OR52N2: variants seen among roughly 807,000 people sequenced by gnomAD.
The protein encoded by OR52N2 is olfactory receptor family 52 subfamily N member 2, also known as olfactory receptor 52N2.
For missense variants in OR52N2, 326 were observed against 196.6 expected (o/e 1.66, Z -3.94); for synonymous variants, 129 against 72.0 (o/e 1.79, Z -4.01).
At chr11:5,810,755 C>A (rs1015925262) in intron 1 of OR52N2, among the ~76,000 whole-genome samples, 17 of 151,882 alleles carry the variant, frequency 1.1e-4, no homozygotes, top group African/African-American at 4.1e-4. Context: ...CCAGTTCTAT[C>A]TGAGTTTATA....
intron 1 of OR52N2, among the ~76,000 whole-genome samples, chr11:5,817,266 A>T (rs1006967318): frequency 6.6e-6 from 1 of 152,202 alleles, no homozygotes; most frequent in Non-Finnish European, 1.5e-5. Context: ...GTTTAAGTAT[A>T]GAAAAATTGT....
chr11:5,819,166 C>T (rs1325377689), intron 1 of OR52N2, among the ~76,000 whole-genome samples: 1 of 152,048 alleles, frequency 6.6e-6, no homozygotes, highest in East Asian at 1.9e-4. Flanking sequence ...GGCTTTGCTC[C>T]ATGGGGTCTA....
chr11:5,812,222 AG>A (rs1846367459), intron 1 of OR52N2, among the ~76,000 whole-genome samples: 1 of 151,906 alleles, frequency 6.6e-6, no homozygotes, highest in Non-Finnish European at 1.5e-5. Context: ...GGGTCGGGCA[AG>A]GTGGCTCACA....
chr11:5,817,328 C>T (rs1160597222), intron 1 of OR52N2, among the ~76,000 whole-genome samples: 1 of 151,850 alleles, frequency 6.6e-6, no homozygotes, highest in Non-Finnish European at 1.5e-5. Context: ...TATACAATTA[C>T]TTTCCACTAT....
At chr11:5,811,351 A>G (rs1846359617) in intron 1 of OR52N2, among the ~76,000 whole-genome samples, 1 of 152,144 alleles carries the variant, frequency 6.6e-6, no homozygotes, top group East Asian at 1.9e-4. Flanking sequence ...AGACAAAATT[A>G]ATTTAAAAAA....
chr11:5,815,303 CAGA>C (rs1437731213), intron 1 of OR52N2, among the ~76,000 whole-genome samples: 1 of 151,948 alleles, frequency 6.6e-6, no homozygotes, highest in African/African-American at 2.4e-5. Context: ...ACCCACAGAC[CAGA>C]AGAAAATATT....
chr11:5,812,267 G>T (rs1240301751), intron 1 of OR52N2, among the ~76,000 whole-genome samples: 3 of 151,430 alleles, frequency 2.0e-5, no homozygotes, highest in Non-Finnish European at 2.9e-5. Flanking sequence ...GGCCGAGGCA[G>T]GCGGATCACG....
chr11:5,815,764 G>A (rs1846398919), intron 1 of OR52N2, among the ~76,000 whole-genome samples: 3 of 152,008 alleles, frequency 2.0e-5, no homozygotes, highest in Admixed American at 1.3e-4. Context: ...ATGTTGAAGA[G>A]GTGTCTGCAG....
At chr11:5,811,696 G>C (rs780881701) in intron 1 of OR52N2, among the ~76,000 whole-genome samples, 35 of 152,174 alleles carry the variant, frequency 2.3e-4, no homozygotes, top group Middle Eastern at 3.4e-3. Context: ...ACAACAAAAT[G>C]GCTGTAGTAA....
chr11:5,810,339 A>T (rs1428927469), intron 1 of OR52N2, among the ~76,000 whole-genome samples: 1 of 152,216 alleles, frequency 6.6e-6, no homozygotes, highest in Non-Finnish European at 1.5e-5. Context: ...AATTGTTGAC[A>T]TTCTCTGTCA....
At chr11:5,814,598 A>C (rs1846387796) in intron 1 of OR52N2, among the ~76,000 whole-genome samples, 1 of 152,216 alleles carries the variant, frequency 6.6e-6, no homozygotes, top group African/African-American at 2.4e-5. Context: ...ATGGAAATAC[A>C]TGCCATGTTC....
intron 1 of OR52N2, among the ~76,000 whole-genome samples, chr11:5,816,046 T>C (rs1307314048): frequency 6.6e-6 from 1 of 152,150 alleles, no homozygotes; most frequent in Non-Finnish European, 1.5e-5. Flanking sequence ...ACTTAGGACA[T>C]TATGCTAAAT....
intron 1 of OR52N2, among the ~76,000 whole-genome samples, chr11:5,818,657 G>C (rs1846423109): frequency 6.6e-6 from 1 of 152,090 alleles, no homozygotes; most frequent in Admixed American, 6.5e-5. Context: ...AGCAGTAAGG[G>C]GCAATGTTTT....
At chr11:5,816,907 T>C (rs1846409195) in intron 1 of OR52N2, among the ~76,000 whole-genome samples, 2 of 152,124 alleles carry the variant, frequency 1.3e-5, no homozygotes, top group South Asian at 2.1e-4. Flanking sequence ...GAAACTCATA[T>C]ATGTATTTTT....
In OR52N2 at chr11:5,821,438, A is replaced by G; in HGVS notation, c.*137A>G. 1 of 564,870 alleles carries G rather than the reference A, an allele frequency of 1.8e-6. No individual in the cohort carries two copies. Among genetic ancestry groups the G allele is most frequent in the Non-Finnish European group, 3.1e-6 (1 of 320,268 alleles). The allele number at this position is 564,870 out of a possible 1,614,324, so 35.0% of individuals were successfully genotyped here. On this transcript the variant is annotated 3_prime_UTR_variant, in exon 2 of 2. Coordinates refer to ENST00000317037, the MANE Select transcript of OR52N2 (RefSeq NM_001005174.3). ...ACAAACTTGCACGTGTACCTAAAAT[A>G]AAAATAGAAATAAAAAATCAAAATA...
In OR52N2 at chr11:5,818,430, A is replaced by G. The variant is rs777252374; in HGVS notation, c.-54-1852A>G. Among the ~76,000 whole-genome samples, 191 of 152,224 alleles carry G rather than the reference A, an allele frequency of 1.3e-3. 1 individual carries two copies. Among genetic ancestry groups the G allele is most frequent in the Non-Finnish European group, 2.3e-3 (156 of 68,004 alleles). On this transcript the variant is annotated intron_variant, in intron 1 of 1. Transcript: ENST00000317037. ...AAATCAGCCTGGGGCATCTTGTTGG[A>G]AATTCCCCAGGGAAACAAAAAATTT...
rs536212624 is a variant in OR52N2, at chr11:5,813,402, C to G, written c.-55+4348C>G. ...AAATGGATAAATTCCTTGGCACTTA[C>G]AACTTACAGAAAGTCAATAAGGAAA... is the stretch of plus-strand genomic sequence containing the variant. On this transcript the variant is annotated intron_variant, in intron 1 of 1. Transcript: ENST00000317037. Among the ~76,000 whole-genome samples the G allele has an allele frequency of 5.3e-5, 8 of 152,190 alleles. No individual in the cohort carries two copies. The East Asian group carries it at 5.8e-4, about 11-fold the overall frequency.
chr11:5,821,158 A>G lies in OR52N2; in HGVS notation c.823A>G (p.Ile275Val). The change falls in exon 2 of 2, where the codon ATA becomes GTA. Residue 275 changes from isoleucine to valine, a missense_variant. Physicochemically the swap from Ile to Val is conservative, Grantham distance 29. Transcript: ENST00000317037. ...TGTAGGACACAATATCCCAAACCAC[A>G]TACACATCATCGTGGCCAACCTTTA... ...RFVGHNIPNH[I>V]HIIVANLYLL... is the part of the protein sequence containing the mutation. 2.6e-6 allele frequency: 2 copies of G among 781,066 alleles called. No individual in the cohort carries two copies. The highest frequency in any genetic ancestry group is 1.3e-5 in the South Asian group (1 of 74,614). The allele number at this position is 781,066 out of a possible 1,614,324, so 48.4% of individuals were successfully genotyped here.
intron 1 of OR52N2, among the ~76,000 whole-genome samples, chr11:5,817,496 T>C (rs1846413393): frequency 2.6e-5 from 4 of 152,142 alleles, no homozygotes. Context: ...CTAATAAATA[T>C]ACAAAAAAAG....
Sources: gnomAD v4.1 joint callset for allele counts (sites outside exome capture counted in the v4.1 genomes callset) on GRCh38, gnomAD v4.1.1 for gene constraint, MANE v1.5 for transcripts, NCBI Gene and HGNC (gene_info 2026-07-23, HGNC 2026-07-21) for gene names.